AASDH: variants seen among roughly 807,000 people sequenced by gnomAD.
The protein encoded by AASDH is aminoadipate-semialdehyde dehydrogenase, also known as beta-alanine-activating enzyme.
Under a neutral mutation model 102.3 loss-of-function variants are expected in AASDH, and 81 were observed. The observed-to-expected ratio is 0.79, with a 90% CI of 0.66 to 0.95. AASDH has a LOEUF of 0.95. AASDH is among the 40% of genes least tolerant of loss of function. AASDH has a pLI of 0.00. For synonymous variants in AASDH, 398 were observed against 454.0 expected, an observed-to-expected ratio of 0.88 and a Z score of 1.57; for missense variants, 1,203 against 1,266.2, an observed-to-expected ratio of 0.95 and a Z score of 0.76.
intron 5 of AASDH, among the ~76,000 whole-genome samples, chr4:56,369,944 TAA>T (rs56400257): frequency 3.2e-4 from 43 of 133,252 alleles, no homozygotes; most frequent in South Asian, 7.2e-4. Context: ...CTGTCTCAAT[TAA>T]AAAAAAAAAA....
At position 56,365,491 on chromosome 4, in the gene AASDH, T is replaced by C. The variant is rs1435775140; in HGVS notation, c.861+5960A>G. On this transcript the variant is annotated intron_variant, in intron 5 of 14. Coordinates refer to ENST00000205214, the MANE Select transcript of AASDH (RefSeq NM_181806.4). Reference sequence around the variant, plus strand: ...GAAGTAAAGCACTCCTCAGCAAATGTAAAAGAACAGAAATTATAACAAACT... The same window carrying C: ...GAAGTAAAGCACTCCTCAGCAAATGCAAAAGAACAGAAATTATAACAAACT... Among the ~76,000 whole-genome samples, 4 of 151,916 alleles carry C rather than the reference T, an allele frequency of 2.6e-5. No individual in the cohort carries two copies. In the East Asian group the frequency reaches 5.8e-4, roughly 22 times the overall value.
At position 56,349,553 on chromosome 4, in the gene AASDH, T is replaced by A. The variant is rs951425456; in HGVS notation, c.2198A>T (p.Asp733Val). The A allele has an allele frequency of 1.9e-6, 3 of 1,614,112 alleles. No individual in the cohort carries two copies. The highest frequency in any genetic ancestry group is 2.5e-6 in the Non-Finnish European group (3 of 1,180,050). ...NSPVLIGKSK[D>V]PSCVAKVSEE... is the part of the protein sequence containing the mutation. Reference sequence around the variant, plus strand: ...AGAAACTTTTGCAACACAGGATGGATCTTTTGACTTCCCAATAAGAACTGG... The same window carrying A: ...AGAAACTTTTGCAACACAGGATGGAACTTTTGACTTCCCAATAAGAACTGG... Residue 733 changes from aspartate (D) to valine (V), a missense_variant, in exon 11 of 15, where the codon GAT becomes GTT. Asp to Val is a radical substitution (Grantham distance 152). Coordinates refer to ENST00000205214, the MANE Select transcript of AASDH (RefSeq NM_181806.4).
intron 5 of AASDH, among the ~76,000 whole-genome samples, chr4:56,364,792 A>C (rs1220903293): frequency 6.6e-6 from 1 of 152,230 alleles, no homozygotes; most frequent in Non-Finnish European, 1.5e-5. Flanking sequence ...CATCAAGCCT[A>C]GGAAGAAACT....
intron 5 of AASDH, among the ~76,000 whole-genome samples, chr4:56,368,055 G>T (rs1383558186): frequency 6.6e-6 from 1 of 152,074 alleles, no homozygotes; most frequent in Admixed American, 6.6e-5. Context: ...ACAAGTGGGC[G>T]AAGGATATGA....
At chr4:56,365,632 T>C (rs1380071856) in intron 5 of AASDH, among the ~76,000 whole-genome samples, 2 of 151,854 alleles carry the variant, frequency 1.3e-5, no homozygotes, top group East Asian at 1.9e-4. Context: ...GGGTACATAA[T>C]GAAATGAAGG....
intron 5 of AASDH, among the ~76,000 whole-genome samples, chr4:56,365,776 T>C (rs1178606223): frequency 1.3e-5 from 2 of 152,040 alleles, no homozygotes; most frequent in African/African-American, 4.8e-5. Context: ...AGGAAAGATC[T>C]AAAATTGACA....
chr4:56,345,664 C>T (rs977561280), intron 11 of AASDH, among the ~76,000 whole-genome samples: 4 of 152,084 alleles, frequency 2.6e-5, no homozygotes, highest in African/African-American at 9.7e-5. Context: ...GTTGCTAAGC[C>T]CCAAATTATT....
intron 5 of AASDH, among the ~76,000 whole-genome samples, 170 bp from the exon 6 acceptor site, chr4:56,355,593 G>GTTTTTTTTTT (rs149149581): frequency 1.5e-4 from 14 of 91,892 alleles, no homozygotes; most frequent in Non-Finnish European, 2.0e-4. Flanking sequence ...TTATCTTCTT[G>GTTTTTTTTTT]TTTTTTTTTT....
At position 56,338,313 on chromosome 4, in the gene AASDH, C is replaced by CTTTCTT; in HGVS notation, c.*88_*89insAAGAAA. 3 of 1,411,500 alleles carry CTTTCTT rather than the reference C, an allele frequency of 2.1e-6. No individual in the cohort carries two copies. Among genetic ancestry groups the CTTTCTT allele is most frequent in the Non-Finnish European group, 9.6e-7 (1 of 1,043,220 alleles). The allele number at this position is 1,411,500 out of a possible 1,614,324, so 87.4% of individuals were successfully genotyped here. A position where few individuals can be genotyped will look rare whatever the true frequency, so the allele number is the denominator to read the frequency against. On this transcript the variant is annotated 3_prime_UTR_variant, in exon 15 of 15. Coordinates refer to ENST00000205214, the MANE Select transcript of AASDH (RefSeq NM_181806.4). ...CGTTTCTTAGCCAAAATATAATCTT[C>CTTTCTT]TTTAATATAAAATAAGTCCACATGA...
chr4:56,339,605 G>T lies in AASDH; in HGVS notation c.2908-814C>A, dbSNP rs573369866. On this transcript the variant is annotated intron_variant, in intron 14 of 14. Coordinates refer to ENST00000205214, the MANE Select transcript of AASDH (RefSeq NM_181806.4). ...ATCTCTATTAAAAATACAAAAATTAGCCAGGTGTGGTGGCACACACCTACA... is the reference window on the plus strand; with the variant it reads ...ATCTCTATTAAAAATACAAAAATTATCCAGGTGTGGTGGCACACACCTACA... Among the ~76,000 whole-genome samples, 263 of 151,548 alleles carry T rather than the reference G, an allele frequency of 1.7e-3. 3 individuals are homozygous for T. The highest frequency in any genetic ancestry group is 1.6e-3 in the Non-Finnish European group (111 of 67,888).
At chr4:56,345,042 C>G in intron 12 of AASDH, 85 bp downstream of exon 12, 1 of 1,437,988 alleles carries the variant, frequency 7.0e-7, no homozygotes, top group Non-Finnish European at 9.4e-7. Context: ...CCCAGGTTCA[C>G]GCAATCCTCC....
intron 4 of AASDH, among the ~76,000 whole-genome samples, chr4:56,373,546 G>T (rs1342558185): frequency 6.6e-6 from 1 of 152,154 alleles, no homozygotes; most frequent in South Asian, 2.1e-4. Flanking sequence ...AGGTCAGAAA[G>T]AGACTTTACT....
intron 12 of AASDH, among the ~76,000 whole-genome samples, 182 bp from the exon 13 acceptor site, chr4:56,343,866 TGTTAAC>T (rs1748009407): frequency 6.6e-6 from 1 of 152,162 alleles, no homozygotes; most frequent in Non-Finnish European, 1.5e-5. Flanking sequence ...AGACAACCAG[TGTTAAC>T]ATTTTAGCAT....
intron 4 of AASDH, 146 bp downstream of exon 4, chr4:56,378,002 C>T: frequency 1.3e-6 from 1 of 742,676 alleles, no homozygotes; most frequent in Non-Finnish European, 2.1e-6. Flanking sequence ...AGACAGCTTT[C>T]ACCATGTTGG....
intron 3 of AASDH, chr4:56,381,816 TAATA>T (rs890983215): frequency 5.3e-5 from 8 of 152,128 alleles, no homozygotes; most frequent in African/African-American, 7.2e-5. Context: ...ATTTTATAAA[TAATA>T]AATAAACAAT....
intron 11 of AASDH, among the ~76,000 whole-genome samples, chr4:56,346,718 A>G (rs188935481): frequency 3.3e-5 from 5 of 152,342 alleles, no homozygotes; most frequent in Admixed American, 3.3e-4. Context: ...TAGACACTTC[A>G]CAAAAGATAC....
At chr4:56,359,804 G>A (rs574901077) in intron 5 of AASDH, among the ~76,000 whole-genome samples, 4 of 151,740 alleles carry the variant, frequency 2.6e-5, no homozygotes, top group South Asian at 4.2e-4. Context: ...TGATCCACCC[G>A]CCTCGGCCTC....
chr4:56,350,008 G>C lies in AASDH; in HGVS notation c.1743C>G (p.Leu581=). 6.2e-7 allele frequency: 1 copy of C among 1,608,940 alleles called. No individual in the cohort carries two copies. Among genetic ancestry groups the C allele is most frequent in the South Asian group, 1.1e-5 (1 of 90,588 alleles). The change falls in exon 11 of 15, where the codon CTC becomes CTG. Residue 581 remains leucine, a synonymous_variant. Coordinates refer to ENST00000205214, the MANE Select transcript of AASDH (RefSeq NM_181806.4). ...EDLLRVPDES[L]FLNSGGDSLK... is the part of the protein sequence containing the mutation. ...AGGAATCTCCACCACTATTTAAGAA[G>C]AGTGACTCATCAGGAACCCTCAAAA...
At chr4:56,354,233 A>G (rs1449972991) in intron 7 of AASDH, 22 bp from the exon 8 acceptor site, 5 of 1,502,354 alleles carry the variant, frequency 3.3e-6, no homozygotes, top group East Asian at 4.7e-5. Flanking sequence ...ATAAACACCA[A>G]TGTCATAAAA....
Sources: allele counts gnomAD v4.1 joint callset (sites outside exome capture counted in the v4.1 genomes callset), GRCh38; gene constraint gnomAD v4.1.1; transcripts MANE v1.5; gene names NCBI Gene and HGNC (gene_info 2026-07-23, HGNC 2026-07-21).